ADD3: variants seen among roughly 807,000 people sequenced by gnomAD.
ADD3 encodes gamma-adducin.
In ADD3, 25 loss-of-function variants were observed where a neutral mutation model predicts 80.2. The observed-to-expected ratio is 0.31, with a 90% CI of 0.23 to 0.44. The LOEUF (loss-of-function observed/expected upper bound fraction) is 0.44, where lower values mean the gene tolerates loss of function less well. Ranked by LOEUF, ADD3 falls within the 20% of genes least tolerant of loss-of-function variation. The pLI, the probability that ADD3 is intolerant of heterozygous loss-of-function variation, is 1.00. For missense variants in ADD3, 829 were observed against 847.5 expected (o/e 0.98, Z 0.27); for synonymous variants, 284 against 289.6 (o/e 0.98, Z 0.20).
chr10:110,124,551 G>A (rs561445131), intron 10 of ADD3, among the ~76,000 whole-genome samples: 1 of 152,170 alleles, frequency 6.6e-6, no homozygotes, highest in African/African-American at 2.4e-5. Flanking sequence ...TGGTAAACTC[G>A]GGATTTGCAT....
intron 1 of ADD3, among the ~76,000 whole-genome samples, chr10:110,038,862 C>T (rs1855965797): frequency 6.6e-6 from 1 of 152,148 alleles, no homozygotes; most frequent in Non-Finnish European, 1.5e-5. Flanking sequence ...GCATATAACA[C>T]AGCCATTAAC....
chr10:110,071,695 G>A (rs1844740825), intron 1 of ADD3, among the ~76,000 whole-genome samples: 1 of 152,118 alleles, frequency 6.6e-6, no homozygotes, highest in Admixed American at 6.6e-5. Context: ...TATGCCATCA[G>A]TAGAGTCAAA....
At position 110,105,691 on chromosome 10, in the gene ADD3, A is replaced by G. The variant is rs923114316; in HGVS notation, c.195+4843A>G. ...ACTAACAGTTTTTAATAACAGGGCA[A>G]TGCATACTGCTGTAAGCTTATTTTG... On this transcript the variant is annotated intron_variant, in intron 2 of 14. Coordinates refer to ENST00000356080, the MANE Select transcript of ADD3 (RefSeq NM_016824.5). Among the ~76,000 whole-genome samples the G allele has an allele frequency of 5.3e-5, 8 of 152,210 alleles. No homozygotes were observed. In the East Asian group the frequency reaches 7.7e-4, roughly 15 times the overall value.
At chr10:110,133,277 A>G in intron 14 of ADD3, 49 bp from the exon 15 acceptor site, 1 of 1,515,604 alleles carries the variant, frequency 6.6e-7, no homozygotes, top group Non-Finnish European at 8.9e-7. Flanking sequence ...AGTAGAGCAA[A>G]AATGTTAAGT....
intron 1 of ADD3, among the ~76,000 whole-genome samples, chr10:110,084,221 C>G (rs1339510894): frequency 6.6e-6 from 1 of 152,190 alleles, no homozygotes; most frequent in African/African-American, 2.4e-5. Flanking sequence ...AAGAAAAGCA[C>G]TCTCATTATT....
At chr10:110,083,876 C>T (rs899286782) in intron 1 of ADD3, among the ~76,000 whole-genome samples, 1 of 152,196 alleles carries the variant, frequency 6.6e-6, no homozygotes, top group Non-Finnish European at 1.5e-5. Flanking sequence ...CACTTTACAA[C>T]TTGACAGAAC....
intron 1 of ADD3, among the ~76,000 whole-genome samples, chr10:110,045,487 G>T (rs143696361): frequency 1.3e-5 from 2 of 152,102 alleles, no homozygotes; most frequent in Non-Finnish European, 2.9e-5. Flanking sequence ...TATAGTTGAC[G>T]CTTGAGCAAT....
intron 1 of ADD3, among the ~76,000 whole-genome samples, chr10:110,063,768 TATATATATATATATAA>T (rs1351940673): frequency 5.2e-5 from 6 of 115,480 alleles, no homozygotes; most frequent in Admixed American, 3.2e-4. Flanking sequence ...TATATATATA[TATATATATATATATAA>T]AGTGAACACC....
At chr10:110,046,264 T>C (rs889848149) in intron 1 of ADD3, among the ~76,000 whole-genome samples, 3 of 152,198 alleles carry the variant, frequency 2.0e-5, no homozygotes, top group Non-Finnish European at 4.4e-5. Context: ...TATGATTTTC[T>C]TAATATTTTC....
chr10:110,096,960 G>T (rs748421295), intron 1 of ADD3, among the ~76,000 whole-genome samples: 22 of 152,264 alleles, frequency 1.4e-4, no homozygotes, highest in Admixed American at 1.2e-3. Context: ...AACCCAGATT[G>T]TAAGATAGGC....
At chr10:110,088,900 T>C (rs1202926730) in intron 1 of ADD3, among the ~76,000 whole-genome samples, 3 of 152,294 alleles carry the variant, frequency 2.0e-5, no homozygotes, top group Non-Finnish European at 2.9e-5. Flanking sequence ...TGGTAACAAA[T>C]CAGTTTCCTA....
At chr10:110,061,112 C>A (rs146717123) in intron 1 of ADD3, among the ~76,000 whole-genome samples, 1 of 152,216 alleles carries the variant, frequency 6.6e-6, no homozygotes, top group East Asian at 1.9e-4. Flanking sequence ...AAAAACCCAC[C>A]GCTATATAAT....
intron 1 of ADD3, among the ~76,000 whole-genome samples, chr10:110,042,575 G>C (rs1856489670): frequency 1.3e-5 from 2 of 151,866 alleles, no homozygotes; most frequent in Admixed American, 6.6e-5. Context: ...CTTTAATCAG[G>C]AAATAGTCTA....
intron 1 of ADD3, among the ~76,000 whole-genome samples, chr10:110,040,945 GCTCTCTCTGTCTCTCTCTGTCTCTC>G (rs1856256289): frequency 1.1e-5 from 1 of 90,934 alleles, no homozygotes; most frequent in Non-Finnish European, 2.4e-5. Flanking sequence ...TCTCTCTCTC[GCTCTCTCTGTCTCTCTCTGTCTCTC>G]TCTCTCTCTC....
At chr10:110,033,003 A>G (rs1746212809) in intron 1 of ADD3, among the ~76,000 whole-genome samples, 1 of 152,218 alleles carries the variant, frequency 6.6e-6, no homozygotes, top group South Asian at 2.1e-4. Context: ...AGACAGTGGC[A>G]GCCTTGTGGG....
At chr10:110,051,174 T>C (rs2133392924) in intron 1 of ADD3, among the ~76,000 whole-genome samples, 1 of 152,158 alleles carries the variant, frequency 6.6e-6, no homozygotes, top group Middle Eastern at 3.4e-3. Context: ...ATCAAAAACC[T>C]AAATAAAGAG....
At chr10:110,089,069 A>G (rs2133846824) in intron 1 of ADD3, among the ~76,000 whole-genome samples, 1 of 152,286 alleles carries the variant, frequency 6.6e-6, no homozygotes, top group African/African-American at 2.4e-5. Context: ...TTCCTATATT[A>G]TTTGTATTTG....
At chr10:110,014,684 C>T (rs1319626505) in intron 1 of ADD3, among the ~76,000 whole-genome samples, 3 of 152,054 alleles carry the variant, frequency 2.0e-5, no homozygotes, top group Non-Finnish European at 4.4e-5. Context: ...TACGCCACCA[C>T]GCCCGGCTAA....
At chr10:110,099,981 AAGT>A (rs1174332155) in intron 1 of ADD3, among the ~76,000 whole-genome samples, 2 of 152,196 alleles carry the variant, frequency 1.3e-5, no homozygotes, top group African/African-American at 4.8e-5. Flanking sequence ...GTGGTATTAA[AAGT>A]AGGAGTTGGG....
Sources: gnomAD v4.1 joint callset for allele counts (sites outside exome capture counted in the v4.1 genomes callset) on GRCh38, gnomAD v4.1.1 for gene constraint, MANE v1.5 for transcripts, NCBI Gene and HGNC (gene_info 2026-07-23, HGNC 2026-07-21) for gene names.